The following ST8SIA6 variants were observed in gnomAD, a reference collection of about 807,000 sequenced individuals.
ST8SIA6 encodes the protein alpha-2,8-sialyltransferase 8F.
In ST8SIA6, 39 loss-of-function variants were observed where a neutral mutation model predicts 33.6. That is an observed-to-expected ratio of 1.16 (90% CI 0.90 to 1.52). The LOEUF (loss-of-function observed/expected upper bound fraction) is 1.52, where lower values mean the gene tolerates loss of function less well. ST8SIA6 is among the 40% of genes most tolerant of loss of function. The pLI, the probability that ST8SIA6 is intolerant of heterozygous loss-of-function variation, is 0.00. For synonymous variants in ST8SIA6, 172 were observed against 167.2 expected (o/e 1.03, Z -0.22); for missense variants, 441 against 443.8 (o/e 0.99, Z 0.06).
At chr10:17,347,593 C>T (rs1481852970) in intron 4 of ST8SIA6, among the ~76,000 whole-genome samples, 1 of 151,950 alleles carries the variant, frequency 6.6e-6, no homozygotes, top group Non-Finnish European at 1.5e-5. Context: ...AAGGGGTGCA[C>T]CCATCCGGCT....
chr10:17,441,600 C>T (rs1165699231), intron 2 of ST8SIA6, among the ~76,000 whole-genome samples: 1 of 152,104 alleles, frequency 6.6e-6, no homozygotes, highest in Non-Finnish European at 1.5e-5. Context: ...TGCACCACTG[C>T]ACCCGGCCCC....
chr10:17,410,768 C>CAAA (rs756803911), intron 2 of ST8SIA6: 4,640 of 152,196 alleles, frequency 0.03, 75 homozygotes, highest in South Asian at 0.056. Context: ...ACCAAAAGAT[C>CAAA]CCCTGGTTAA....
intron 2 of ST8SIA6, among the ~76,000 whole-genome samples, chr10:17,395,774 T>G (rs974249795): frequency 7.9e-5 from 12 of 152,000 alleles, no homozygotes; most frequent in African/African-American, 2.9e-4. Context: ...TCCCAGCTAC[T>G]TAGGAGGCTG....
chr10:17,382,258 T>TC (rs1850177528), intron 3 of ST8SIA6, among the ~76,000 whole-genome samples: 4 of 152,046 alleles, frequency 2.6e-5, no homozygotes, highest in Admixed American at 2.0e-4. Flanking sequence ...GTGATAATTT[T>TC]TTTTTTAATT....
intron 2 of ST8SIA6, among the ~76,000 whole-genome samples, chr10:17,408,689 A>C (rs2131691042): frequency 6.6e-6 from 1 of 152,192 alleles, no homozygotes; most frequent in African/African-American, 2.4e-5. Flanking sequence ...TAAATGAATA[A>C]ATAAATACAT....
intron 2 of ST8SIA6, among the ~76,000 whole-genome samples, chr10:17,413,764 A>C (rs1214215715): frequency 6.6e-6 from 1 of 152,252 alleles, no homozygotes; most frequent in East Asian, 1.9e-4. Flanking sequence ...TAGTTGTAGT[A>C]GAATGGCCTA....
intron 4 of ST8SIA6, among the ~76,000 whole-genome samples, chr10:17,341,019 A>G (rs1207298178): frequency 2.0e-5 from 3 of 152,210 alleles, no homozygotes; most frequent in African/African-American, 7.2e-5. Context: ...GGTGAAAGAG[A>G]AAGAATACTT....
intron 2 of ST8SIA6, among the ~76,000 whole-genome samples, chr10:17,416,812 C>T (rs1851623982): frequency 6.6e-6 from 1 of 152,220 alleles, no homozygotes; most frequent in Admixed American, 6.5e-5. Context: ...TTAAATCATA[C>T]TTGTCATACA....
intron 2 of ST8SIA6, among the ~76,000 whole-genome samples, chr10:17,444,785 G>C (rs543194578): frequency 6.6e-6 from 1 of 152,330 alleles, no homozygotes; most frequent in East Asian, 1.9e-4. Flanking sequence ...AGAAAAGCAA[G>C]TCACATCAGA....
intron 2 of ST8SIA6, among the ~76,000 whole-genome samples, chr10:17,449,577 C>T (rs1489369477): frequency 6.6e-6 from 1 of 152,196 alleles, no homozygotes; most frequent in Non-Finnish European, 1.5e-5. Context: ...TCTGCAGCCT[C>T]AAGAGAATAT....
Position 17,333,691 on chromosome 10 carries a change from A to T in ST8SIA6, c.378-2139T>A, listed in dbSNP as rs866325646. Among the ~76,000 whole-genome samples the T allele has an allele frequency of 1.7e-3, 30 of 17,178 alleles. 7 individuals carry two copies. The highest frequency in any genetic ancestry group is 0.013 in the East Asian group (2 of 152). 11.3% of individuals were successfully genotyped at this position (17,178 alleles called of 152,430 possible). A position where few individuals can be genotyped will look rare whatever the true frequency, so the allele number is the denominator to read the frequency against. On this transcript the variant is annotated intron_variant, in intron 4 of 7. Transcript: ENST00000377602. ...TGCTGGGATATATATATATATATATATATATATATATATATATATATATAT... is the reference window on the plus strand; with the variant it reads ...TGCTGGGATATATATATATATATATTTATATATATATATATATATATATAT...
chr10:17,324,753 G>GTCATGGTATGTACCATACCATGCAT (rs1294236913), intron 6 of ST8SIA6, among the ~76,000 whole-genome samples: 5 of 135,494 alleles, frequency 3.7e-5, no homozygotes, highest in Admixed American at 7.1e-5. Flanking sequence ...AGTAGTATAG[G>GTCATGGTATGTACCATACCATGCAT]TCATGGTATG....
intron 5 of ST8SIA6, among the ~76,000 whole-genome samples, chr10:17,327,930 T>TA (rs34690638): frequency 0.18 from 26,763 of 151,966 alleles, 3,105 homozygotes; most frequent in Middle Eastern, 0.34. Flanking sequence ...AATGTGTAAG[T>TA]AAAATAAAAT....
At chr10:17,322,679 C>T (rs1847996913) in intron 7 of ST8SIA6, among the ~76,000 whole-genome samples, 1 of 151,964 alleles carries the variant, frequency 6.6e-6, no homozygotes, top group African/African-American at 2.4e-5. Context: ...CTGTATTTTG[C>T]CAGGTTGTCT....
chr10:17,393,745 G>C (rs1850704529), intron 2 of ST8SIA6, among the ~76,000 whole-genome samples: 1 of 152,122 alleles, frequency 6.6e-6, no homozygotes, highest in Non-Finnish European at 1.5e-5. Context: ...GGGATAGGAA[G>C]GCATAAAGGT....
At chr10:17,352,501 A>G (rs1849067629) in intron 4 of ST8SIA6, among the ~76,000 whole-genome samples, 1 of 152,164 alleles carries the variant, frequency 6.6e-6, no homozygotes, top group Admixed American at 6.5e-5. Context: ...TAATGTACCA[A>G]TGAAGACATG....
At chr10:17,381,194 C>T (rs966607414) in intron 3 of ST8SIA6, among the ~76,000 whole-genome samples, 2 of 152,060 alleles carry the variant, frequency 1.3e-5, no homozygotes, top group Non-Finnish European at 2.9e-5. Flanking sequence ...TACCACCAGA[C>T]TTATTCTCTC....
chr10:17,399,860 G>A (rs1022043548), intron 2 of ST8SIA6, among the ~76,000 whole-genome samples: 3 of 150,194 alleles, frequency 2.0e-5, no homozygotes, highest in Non-Finnish European at 4.4e-5. Context: ...GGAGACTGCA[G>A]TACGCTTTGA....
At chr10:17,403,510 C>G (rs1356518166) in intron 2 of ST8SIA6, 1 of 152,184 alleles carries the variant, frequency 6.6e-6, no homozygotes, top group Non-Finnish European at 1.5e-5. Context: ...TTACTCTAGG[C>G]TGGTCTGAAG....
Sources: allele counts gnomAD v4.1 joint callset (sites outside exome capture counted in the v4.1 genomes callset), GRCh38; gene constraint gnomAD v4.1.1; transcripts MANE v1.5; gene names NCBI Gene and HGNC (gene_info 2026-07-23, HGNC 2026-07-21).